The following ANAPC4 variants were observed in gnomAD, a reference collection of about 807,000 sequenced individuals.
ANAPC4 encodes the protein anaphase promoting complex subunit 4, also known as anaphase-promoting complex subunit 4.
In ANAPC4, 63 loss-of-function variants were observed where a neutral mutation model predicts 119.8. The observed-to-expected ratio is 0.53, with a 90% confidence interval of 0.43 to 0.65. The LOEUF (loss-of-function observed/expected upper bound fraction) is 0.65. Ranked by LOEUF, ANAPC4 falls within the 30% of genes least tolerant of loss-of-function variation. The probability of loss-of-function intolerance (pLI) is 0.00; values close to 1 mark genes in which losing one functional copy is unlikely to be tolerated. For missense variants in ANAPC4, 716 were observed against 945.1 expected (o/e 0.76, Z 3.18); for synonymous variants, 283 against 318.6 (o/e 0.89, Z 1.19).
intron 4 of ANAPC4, among the ~76,000 whole-genome samples, chr4:25,385,879 A>G (rs1420547601): frequency 6.6e-6 from 1 of 152,202 alleles, no homozygotes; most frequent in Non-Finnish European, 1.5e-5. Flanking sequence ...GCCAGTAAAT[A>G]GAGCAGTTAG....
intron 20 of ANAPC4, 42 bp from the exon 21 acceptor site, chr4:25,409,656 C>T (rs765521617): frequency 2.1e-6 from 3 of 1,432,514 alleles, no homozygotes; most frequent in South Asian, 1.2e-5. Flanking sequence ...ATTTTCCCTT[C>T]CAGGTATGAA....
chr4:25,416,318 A>T, intron 26 of ANAPC4, 107 bp from the exon 27 acceptor site: 1 of 591,978 alleles, frequency 1.7e-6, no homozygotes, highest in Non-Finnish European at 2.7e-6. Context: ...ACAGAATGTC[A>T]CTTAACTTTT....
At chr4:25,414,217 A>G in intron 22 of ANAPC4, 107 bp from the exon 23 acceptor site, 1 of 728,238 alleles carries the variant, frequency 1.4e-6, no homozygotes. Flanking sequence ...TTGGTGATGT[A>G]GGCGATTTTT....
chr4:25,383,459 T>G, intron 4 of ANAPC4, 66 bp downstream of exon 4: 2 of 1,436,694 alleles, frequency 1.4e-6, no homozygotes, highest in Non-Finnish European at 1.9e-6. Flanking sequence ...AATGGAAACT[T>G]AGGAGTATCT....
intron 4 of ANAPC4, among the ~76,000 whole-genome samples, chr4:25,384,322 C>T (rs1037669532): frequency 6.6e-6 from 1 of 152,106 alleles, no homozygotes; most frequent in African/African-American, 2.4e-5. Flanking sequence ...AGTGTTGAAC[C>T]CCTCAAAGTC....
At chr4:25,413,605 A>C in intron 21 of ANAPC4, 40 bp from the exon 22 acceptor site, 1 of 1,485,152 alleles carries the variant, frequency 6.7e-7, no homozygotes, top group Non-Finnish European at 9.3e-7. Flanking sequence ...AGTTTGCTAT[A>C]GCTTCTTTTA....
chr4:25,384,942 A>G (rs1278976101), intron 4 of ANAPC4, among the ~76,000 whole-genome samples: 2 of 152,234 alleles, frequency 1.3e-5, no homozygotes, highest in Non-Finnish European at 2.9e-5. Context: ...TGAATGAGCA[A>G]TAATATTTTG....
At chr4:25,387,894 T>A (rs1206500192) in intron 4 of ANAPC4, among the ~76,000 whole-genome samples, 1 of 152,048 alleles carries the variant, frequency 6.6e-6, no homozygotes, top group African/African-American at 2.4e-5. Flanking sequence ...CCTAGCACTT[T>A]GGGAGGCTGA....
chr4:25,394,707 A>C lies in ANAPC4; in HGVS notation c.978A>C (p.Thr326=). The change falls in exon 13 of 29, where the codon ACA becomes ACC. Residue 326 remains threonine, a synonymous_variant. Coordinates refer to ENST00000315368, the MANE Select transcript of ANAPC4 (RefSeq NM_013367.3). The part of the protein sequence containing the change: ...ELQTLLMNQL[T]VKGLKKLGQS... ...AGACTCTCTTGATGAATCAGTTAAC[A>C]GTAAAGGTGCAGTTAATGTATCTAT... is the stretch of plus-strand genomic sequence containing the variant. 6.2e-7 allele frequency: 1 copy of C among 1,604,276 alleles called. No homozygotes were observed. The highest frequency in any genetic ancestry group is 8.5e-7 in the Non-Finnish European group (1 of 1,177,474).
At chr4:25,384,981 C>T (rs1245280366) in intron 4 of ANAPC4, among the ~76,000 whole-genome samples, 2 of 152,190 alleles carry the variant, frequency 1.3e-5, no homozygotes, top group African/African-American at 4.8e-5. Flanking sequence ...AGCAGTGGGC[C>T]TCAACAGTGG....
At chr4:25,392,918 C>A (rs984954236) in intron 10 of ANAPC4, among the ~76,000 whole-genome samples, 2 of 152,158 alleles carry the variant, frequency 1.3e-5, no homozygotes, top group Non-Finnish European at 2.9e-5. Flanking sequence ...CGAGCCAGCA[C>A]AGGCTTGTCC....
At chr4:25,387,522 C>T (rs966394727) in intron 4 of ANAPC4, among the ~76,000 whole-genome samples, 9 of 152,110 alleles carry the variant, frequency 5.9e-5, no homozygotes, top group Non-Finnish European at 1.3e-4. Flanking sequence ...GTTAGAGGGT[C>T]AGAGCATATC....
rs1223709538 is a variant in ANAPC4, at chr4:25,418,107, T to C, written c.2200-48T>C. The C allele has an allele frequency of 2.0e-6, 3 of 1,495,826 alleles. No homozygotes were observed. The African/African-American group carries it at 4.2e-5, about 21-fold the overall frequency. The allele number at this position is 1,495,826 out of a possible 1,614,324, so 92.7% of individuals were successfully genotyped here. ...CTTCTGATTTCTAATTCTTTATATA[T>C]GATAAGCCATTAATTTAAAAATGCT... On this transcript the variant is annotated intron_variant, in intron 28 of 28. Transcript: ENST00000315368.
intron 21 of ANAPC4, chr4:25,413,169 G>A (rs1723672887): frequency 1.3e-5 from 2 of 152,134 alleles, no homozygotes; most frequent in South Asian, 4.1e-4. Context: ...AGGTGTTAGT[G>A]CTAAATTATA....
At chr4:25,393,925 A>G in intron 11 of ANAPC4, 34 bp downstream of exon 11, 3 of 1,521,344 alleles carry the variant, frequency 2.0e-6, no homozygotes, top group African/African-American at 1.4e-5. Flanking sequence ...GGAGAGAGTT[A>G]AAGAATGCAT....
chr4:25,378,754 T>C (rs1240080588), intron 2 of ANAPC4, among the ~76,000 whole-genome samples: 3 of 152,160 alleles, frequency 2.0e-5, no homozygotes, highest in African/African-American at 7.2e-5. Flanking sequence ...CCAGTCAGTG[T>C]TAAGACCCAC....
Position 25,412,759 on chromosome 4 carries a change from GA to G in ANAPC4, c.1526-875del, listed in dbSNP as rs11376093. 4.3e-3 allele frequency among the ~76,000 whole-genome samples: 629 copies of G among 147,556 alleles called. 2 individuals carry two copies. The highest frequency in any genetic ancestry group is 6.6e-3 in the Non-Finnish European group (438 of 66,422). On this transcript the variant is annotated intron_variant, in intron 21 of 28. Coordinates refer to ENST00000315368, the MANE Select transcript of ANAPC4 (RefSeq NM_013367.3). ...GAATGAGACTCTGTCTTTAAAAAAA[GA>G]AAAAAAAAAATGTTCCTGTCACCTT...
chr4:25,390,762 G>A, intron 8 of ANAPC4, 149 bp from the exon 9 acceptor site: 2 of 600,036 alleles, frequency 3.3e-6, no homozygotes, highest in Non-Finnish European at 5.8e-6. Flanking sequence ...CATGCAGGCA[G>A]ACACCTACCT....
Position 25,388,727 on chromosome 4 carries a change from A to C in ANAPC4, c.454A>C (p.Thr152Pro). 1 of 1,607,710 alleles carries C rather than the reference A, an allele frequency of 6.2e-7. No homozygotes were observed. ...TCTGTTTCCTTCTAGCTATAGCAAC[A>C]CCTCAAAAATATTTAGGTAAGATAC... ...LPTLPKNYSN[T>P]SKIFSEENSD... is the part of the protein sequence containing the mutation. Residue 152 changes from threonine (T) to proline (P), a missense_variant, in exon 6 of 29, where the codon ACC becomes CCC. By Grantham distance (38) the Thr-to-Pro change is conservative. Transcript: ENST00000315368.
Sources: gnomAD v4.1 joint callset for allele counts (sites outside exome capture counted in the v4.1 genomes callset) on GRCh38, gnomAD v4.1.1 for gene constraint, MANE v1.5 for transcripts, NCBI Gene and HGNC (gene_info 2026-07-23, HGNC 2026-07-21) for gene names.